PACSIN2: variants seen among roughly 807,000 people sequenced by gnomAD.
PACSIN2 encodes the protein protein kinase C and casein kinase substrate in neurons protein 2.
A neutral mutation model predicts 63.8 loss-of-function variants in PACSIN2; 25 were observed. The observed-to-expected ratio is 0.39, with a 90% CI of 0.29 to 0.55. PACSIN2 has a LOEUF of 0.55. PACSIN2 is among the 20% of genes least tolerant of loss of function. The pLI is 0.62. For synonymous variants in PACSIN2, 255 were observed against 256.2 expected, an observed-to-expected ratio of 1.00 and a Z score of 0.05; for missense variants, 518 against 646.9, an observed-to-expected ratio of 0.80 and a Z score of 2.16.
chr22:42,991,208 T>C (rs1237837393), intron 1 of PACSIN2, among the ~76,000 whole-genome samples: 1 of 152,166 alleles, frequency 6.6e-6, no homozygotes, highest in Non-Finnish European at 1.5e-5. Flanking sequence ...AGAGCCACTT[T>C]GTGACTGAAG....
chr22:42,970,306 G>A (rs1921160592), intron 1 of PACSIN2, among the ~76,000 whole-genome samples: 1 of 152,184 alleles, frequency 6.6e-6, no homozygotes, highest in African/African-American at 2.4e-5. Flanking sequence ...TCACCTCTGT[G>A]GGACTCTCCC....
rs1928140462 is a variant in PACSIN2, at chr22:42,871,650, T to C, written c.1349-181A>G. Among the ~76,000 whole-genome samples, 1 of 152,188 alleles carries C rather than the reference T, an allele frequency of 6.6e-6. No individual in the cohort carries two copies. Among genetic ancestry groups the C allele is most frequent in the Admixed American group, 6.5e-5 (1 of 15,274 alleles). ...GCATTTTAAGTTGCCTCTTTGGTCA[T>C]GGGCCTCTGACAGACCTAGAGATGA... On this transcript the variant is annotated intron_variant, in intron 10 of 10. Transcript: ENST00000263246. The surrounding 1 kb of genome is among the most constrained non-coding windows in gnomAD (Gnocchi z 5.4).
At chr22:42,982,881 A>AACAAAAAACAAC (rs1569350284) in intron 1 of PACSIN2, among the ~76,000 whole-genome samples, 2 of 134,160 alleles carry the variant, frequency 1.5e-5, no homozygotes, top group African/African-American at 5.8e-5. Context: ...AAAAAAAAAA[A>AACAAAAAACAAC]AAAAAAAAAC....
rs9623735 is a variant in PACSIN2, at chr22:42,996,723, C to T, written c.-78+18298G>A. ...GGGGAAAAAAAGCAGAGAATAGAGA[C>T]GGTCCAGGCCAAAATGGACACACTG... On this transcript the variant is annotated intron_variant, in intron 1 of 10. Transcript: ENST00000263246. 8.1e-3 allele frequency among the ~76,000 whole-genome samples: 1,228 copies of T among 152,052 alleles called. 22 individuals are homozygous for T. The highest frequency in any genetic ancestry group is 0.029 in the African/African-American group (1,191 of 41,450).
At chr22:43,012,981 G>A (rs1416870246) in intron 1 of PACSIN2, among the ~76,000 whole-genome samples, 3 of 151,940 alleles carry the variant, frequency 2.0e-5, no homozygotes, top group African/African-American at 4.8e-5. Context: ...TAGTAGAGAC[G>A]GGGTTTCACC....
chr22:42,876,810 G>A (rs1928668848), intron 9 of PACSIN2, 78 bp downstream of exon 9: 1 of 1,580,008 alleles, frequency 6.3e-7, no homozygotes, highest in Non-Finnish European at 8.7e-7. Flanking sequence ...GTGCCGAGGG[G>A]TGAGACCCCT....
intron 1 of PACSIN2, among the ~76,000 whole-genome samples, chr22:42,990,164 T>G (rs1922949826): frequency 6.6e-6 from 1 of 151,760 alleles, no homozygotes; most frequent in Non-Finnish European, 1.5e-5. Context: ...GAATGATTTT[T>G]AAACACAGCT....
intron 1 of PACSIN2, among the ~76,000 whole-genome samples, chr22:42,951,194 C>A (rs1409650988): frequency 6.6e-6 from 1 of 152,048 alleles, no homozygotes; most frequent in African/African-American, 2.4e-5. Flanking sequence ...GCATGAAATC[C>A]AAGCTTTTCT....
chr22:42,950,805 G>A (rs186654690), intron 1 of PACSIN2, among the ~76,000 whole-genome samples: 95 of 152,300 alleles, frequency 6.2e-4, no homozygotes, highest in African/African-American at 2.1e-3. Context: ...CTTACTTACC[G>A]TATGCCAGGC....
At chr22:42,888,894 AGGGG>A in intron 4 of PACSIN2, 96 bp from the exon 5 acceptor site, 1 of 1,312,434 alleles carries the variant, frequency 7.6e-7, no homozygotes, top group Admixed American at 1.8e-5. Flanking sequence ...TGCTACCAAG[AGGGG>A]AGAAAAAGGC....
At chr22:42,874,986 G>C (rs1569202624) in intron 10 of PACSIN2, among the ~76,000 whole-genome samples, 1 of 152,008 alleles carries the variant, frequency 6.6e-6, no homozygotes, top group Non-Finnish European at 1.5e-5. Context: ...GAGTAGCTGG[G>C]ACTACAGGCG....
chr22:42,876,179 C>A lies in PACSIN2; in HGVS notation c.1306G>T (p.Asp436Tyr). 6.2e-7 allele frequency: 1 copy of A among 1,614,230 alleles called. No individual in the cohort carries two copies. Among genetic ancestry groups the A allele is most frequent in the Non-Finnish European group, 8.5e-7 (1 of 1,180,034 alleles). Residue 436 changes from aspartate to tyrosine, a missense_variant, in exon 10 of 11, where the codon GAC becomes TAC. Physicochemically the swap from Asp to Tyr is radical, Grantham distance 160 (BLOSUM62 -3). Transcript: ENST00000263246. ...GTEVRVRALY[D>Y]YEGQEHDELS... ...TCATCATGCTCCTGCCCCTCATAGTCATACAGGGCCCGGACTCGCACTTCC... is the reference window on the plus strand; with the variant it reads ...TCATCATGCTCCTGCCCCTCATAGTAATACAGGGCCCGGACTCGCACTTCC...
At chr22:42,973,810 G>A (rs943699102) in intron 1 of PACSIN2, among the ~76,000 whole-genome samples, 1 of 152,212 alleles carries the variant, frequency 6.6e-6, no homozygotes. Context: ...TTGGCACCTA[G>A]CACAGGGCTT....
At chr22:42,997,589 T>A (rs1923496962) in intron 1 of PACSIN2, among the ~76,000 whole-genome samples, 1 of 144,882 alleles carries the variant, frequency 6.9e-6, no homozygotes, top group Admixed American at 6.9e-5. Context: ...AATAAATAAA[T>A]AAAAATGAAT....
intron 1 of PACSIN2, among the ~76,000 whole-genome samples, chr22:42,924,916 C>T (rs552713007): frequency 2.0e-5 from 3 of 152,100 alleles, no homozygotes; most frequent in Admixed American, 1.3e-4. Flanking sequence ...GCCACTACGC[C>T]CAGCTAATTT....
intron 4 of PACSIN2, among the ~76,000 whole-genome samples, chr22:42,889,372 T>TTACACACACACATACA (rs56372523): frequency 9.8e-6 from 1 of 102,488 alleles, no homozygotes; most frequent in Non-Finnish European, 2.0e-5. Context: ...TTAATGGTTT[T>TTACACACACACATACA]TACACACACA....
intron 1 of PACSIN2, among the ~76,000 whole-genome samples, chr22:42,972,907 T>C (rs1207124661): frequency 5.9e-5 from 9 of 152,362 alleles, no homozygotes; most frequent in Non-Finnish European, 1.3e-4. Context: ...TATAACAGCA[T>C]CTTCCTACAT....
chr22:42,874,200 G>A (rs1330562368), intron 10 of PACSIN2, among the ~76,000 whole-genome samples: 1 of 152,056 alleles, frequency 6.6e-6, no homozygotes, highest in Non-Finnish European at 1.5e-5. Flanking sequence ...TGTGGTCCCA[G>A]CTACGTAGGA....
intron 2 of PACSIN2, among the ~76,000 whole-genome samples, chr22:42,910,731 GC>G (rs947489252): frequency 2.6e-5 from 4 of 152,064 alleles, no homozygotes; most frequent in Non-Finnish European, 4.4e-5. Flanking sequence ...TGAGCTGGGT[GC>G]CCCCCTCACC....
Sources: gnomAD v4.1 joint callset for allele counts (sites outside exome capture counted in the v4.1 genomes callset) on GRCh38, gnomAD v4.1.1 for gene constraint, Gnocchi (gnomAD v3.1) non-coding constraint, MANE v1.5 for transcripts, NCBI Gene and HGNC (gene_info 2026-07-23, HGNC 2026-07-21) for gene names.